Variants in ITSN2 observed in about 807,000 individuals in gnomAD.
ITSN2 encodes intersectin-2.
Under a neutral mutation model 243.7 loss-of-function variants are expected in ITSN2, and 156 were observed. The observed-to-expected ratio is 0.64, with a 90% confidence interval of 0.56 to 0.73. The LOEUF (loss-of-function observed/expected upper bound fraction) is 0.73, where lower values mean the gene tolerates loss of function less well. ITSN2 is among the 30% of genes least tolerant of loss of function. ITSN2 has a pLI of 0.00. For synonymous variants in ITSN2, 703 were observed against 699.9 expected (o/e 1.00, Z -0.07); for missense variants, 1,801 against 1,996.1 (o/e 0.90, Z 1.86).
chr2:24,352,147 G>C (rs1688078192), intron 1 of ITSN2, among the ~76,000 whole-genome samples: 1 of 152,060 alleles, frequency 6.6e-6, no homozygotes, highest in Non-Finnish European at 1.5e-5. Context: ...ACCATCCATG[G>C]TTTCAAGCAA....
chr2:24,313,034 C>T (rs1428754492), intron 4 of ITSN2, among the ~76,000 whole-genome samples: 2 of 148,894 alleles, frequency 1.3e-5, no homozygotes, highest in Non-Finnish European at 3.0e-5. Flanking sequence ...GAATTATTTT[C>T]AATAATTTGC....
At position 24,203,391 on chromosome 2, in the gene ITSN2, C is replaced by T; in HGVS notation, c.*235G>A. On this transcript the variant is annotated 3_prime_UTR_variant, in exon 40 of 40. Transcript: ENST00000355123. Reference sequence around the variant, plus strand: ...AACCTTGGCATCTAAACAAACAGAGCTGAACATGTGAACACTAGGACAAGG... The same window carrying T: ...AACCTTGGCATCTAAACAAACAGAGTTGAACATGTGAACACTAGGACAAGG... 1 of 409,872 alleles carries T rather than the reference C, an allele frequency of 2.4e-6. No homozygotes were observed. The highest frequency in any genetic ancestry group is 4.4e-6 in the Non-Finnish European group (1 of 229,522). The allele number at this position is 409,872 out of a possible 1,614,324, so 25.4% of individuals were successfully genotyped here. A position where few individuals can be genotyped will look rare whatever the true frequency, so the allele number is the denominator to read the frequency against.
chr2:24,246,240 C>T lies in ITSN2; in HGVS notation c.3466G>A (p.Val1156Ile). 1 of 1,613,118 alleles carries T rather than the reference C, an allele frequency of 6.2e-7. No homozygotes were observed. Among genetic ancestry groups the T allele is most frequent in the Non-Finnish European group, 8.5e-7 (1 of 1,179,168 alleles). Residue 1156 changes from valine to isoleucine, a missense_variant, in exon 29 of 40, where the codon GTT becomes ATT. By Grantham distance (29) the Val-to-Ile change is conservative. Around this residue, in one of 5 missense-constraint regions of ITSN2, gnomAD observed 928 missense variants for 1,065.4 expected, o/e 0.87. Transcript: ENST00000355123. The part of the protein sequence containing the change: ...LSFSKGQLIN[V>I]MNKDDPDWWQ... ...CAATCAGGATCATCTTTGTTCATAA[C>T]ATTAATGAGTTGTCCCTTGGAGAAA...
chr2:24,252,361 T>C lies in ITSN2; in HGVS notation c.3104A>G (p.Lys1035Arg). Residue 1035 changes from lysine to arginine, a missense_variant, in exon 25 of 40, where the codon AAA becomes AGA. Coordinates refer to ENST00000355123, the MANE Select transcript of ITSN2 (RefSeq NM_006277.3). The part of the protein sequence containing the change: ...RSGIFPSNYV[K>R]PKDQESFGSA... ...TCAAAATACCTCTTGATCCTTTGGT[T>C]TGACATAGTTTGATGGAAAAATTCC... 6.2e-7 allele frequency: 1 copy of C among 1,611,694 alleles called. No homozygotes were observed. The highest frequency in any genetic ancestry group is 8.5e-7 in the Non-Finnish European group (1 of 1,178,182).
chr2:24,255,958 C>T (rs911861612), intron 23 of ITSN2, among the ~76,000 whole-genome samples: 1 of 152,136 alleles, frequency 6.6e-6, no homozygotes, highest in African/African-American at 2.4e-5. Context: ...GAGGCTGAGG[C>T]AGGAGAATCG....
chr2:24,236,145 A>G (rs895323016), intron 29 of ITSN2, among the ~76,000 whole-genome samples: 7 of 152,168 alleles, frequency 4.6e-5, no homozygotes, highest in Non-Finnish European at 7.3e-5. Context: ...TATCCACACA[A>G]TGGGATGTTA....
intron 15 of ITSN2, among the ~76,000 whole-genome samples, chr2:24,291,489 C>T (rs181533073): frequency 1.0e-5 from 1 of 97,752 alleles, no homozygotes; most frequent in Non-Finnish European, 2.1e-5. Context: ...CTTCTTCTTC[C>T]TTTTTTTTTT....
intron 32 of ITSN2, 115 bp downstream of exon 32, chr2:24,215,934 T>C (rs998193112): frequency 9.9e-6 from 7 of 709,972 alleles, no homozygotes; most frequent in Non-Finnish European, 1.5e-5. Context: ...GGTGTTTCCT[T>C]TGGAAACTGA....
In ITSN2 at chr2:24,286,267, T is replaced by C; in HGVS notation, c.1808A>G (p.Glu603Gly). The C allele has an allele frequency of 6.2e-7, 1 of 1,604,690 alleles. No individual in the cohort carries two copies. The change falls in exon 16 of 40, where the codon GAA becomes GGA. Residue 603 changes from glutamate to glycine, a missense_variant. Physicochemically the swap from Glu to Gly is moderately conservative, Grantham distance 98. Transcript: ENST00000355123. The stretch of plus-strand genomic sequence containing the variant: ...TGACAGCTTAGATGCAGTTTCTTTT[T>C]CAAGAGCATCTAACTGTTCTTTAAG... ...QRLKEQLDALEKETASKLSEM... is the reference protein window; with the variant it reads ...QRLKEQLDALGKETASKLSEM...
rs1680852118 is a variant in ITSN2, at chr2:24,295,576, T to C, written c.1635+88A>G. On this transcript the variant is annotated intron_variant, in intron 14 of 39. Coordinates refer to ENST00000355123, the MANE Select transcript of ITSN2 (RefSeq NM_006277.3). ...CACCCGCCTCAGCCTCCCAAAGTGCTAGCATTACAGCCGTGAGCCACCGTG... is the reference window on the plus strand; with the variant it reads ...CACCCGCCTCAGCCTCCCAAAGTGCCAGCATTACAGCCGTGAGCCACCGTG... 2.9e-6 allele frequency: 3 copies of C among 1,051,416 alleles called. No homozygotes were observed. In the South Asian group the frequency reaches 7.4e-5, roughly 26 times the overall value. The allele number at this position is 1,051,416 out of a possible 1,614,324, so 65.1% of individuals were successfully genotyped here.
chr2:24,224,113 T>C (rs542071130), intron 29 of ITSN2, among the ~76,000 whole-genome samples: 1 of 152,220 alleles, frequency 6.6e-6, no homozygotes, highest in East Asian at 1.9e-4. Flanking sequence ...GCACTGATCC[T>C]GATATGATCC....
In ITSN2 at chr2:24,209,203, C is replaced by G; in HGVS notation, c.4492G>C (p.Val1498Leu). The G allele has an allele frequency of 6.2e-7, 1 of 1,614,096 alleles. No homozygotes were observed. The highest frequency in any genetic ancestry group is 8.5e-7 in the Non-Finnish European group (1 of 1,179,992). The change falls in exon 36 of 40, where the codon GTC becomes CTC. Residue 1498 changes from valine (V) to leucine (L), a missense_variant. By Grantham distance (32) the Val-to-Leu change is conservative. Transcript: ENST00000355123. ...MYKTPIFLNE[V>L]LVKLPTDPSS... ...GGGTCTGTGGGCAGTTTCACCAAGA[C>G]TTCATTCAGGAAAATGGGCTGAAAG...
chr2:24,241,421 C>T (rs1672718771), intron 29 of ITSN2: 1 of 152,298 alleles, frequency 6.6e-6, no homozygotes, highest in Non-Finnish European at 1.5e-5. Context: ...TTCATTAGCC[C>T]AGAGCACATA....
chr2:24,319,264 G>T (rs1684277688), intron 2 of ITSN2, among the ~76,000 whole-genome samples: 1 of 152,160 alleles, frequency 6.6e-6, no homozygotes, highest in Non-Finnish European at 1.5e-5. Context: ...CAGGTTTAAT[G>T]GCAGTAGAGC....
rs774656531 is a variant in ITSN2 at position 24,286,205 on chromosome 2, T to C, written c.1863+7A>G. 1.1e-5 allele frequency: 17 copies of C among 1,534,420 alleles called. No homozygotes were observed. Among genetic ancestry groups the C allele is most frequent in the Middle Eastern group, 2.3e-4 (1 of 4,396 alleles). Reference sequence around the variant, plus strand: ...ACCTAAAAATAAATAGTATCAAAAATAAATACCTTTAGTTGATTGTTAAAA... The same window carrying C: ...ACCTAAAAATAAATAGTATCAAAAACAAATACCTTTAGTTGATTGTTAAAA... On this transcript the variant is annotated splice_region_variant and intron_variant, in intron 16 of 39. Transcript: ENST00000355123.
chr2:24,301,197 T>C lies in ITSN2; in HGVS notation c.1038A>G (p.Ser346=), dbSNP rs761629814. 3 of 1,608,998 alleles carry C rather than the reference T, an allele frequency of 1.9e-6. No homozygotes were observed. The highest frequency in any genetic ancestry group is 1.3e-5 in the African/African-American group (1 of 74,840). The change falls in exon 11 of 40, where the codon TCA becomes TCG. Residue 346 remains serine, a synonymous_variant. Transcript: ENST00000355123. ...GCTCCTCTTCTTGCATTTTCTGATATGAAGGCAGAGTTCCATTAATGGAAT... is the reference window on the plus strand; with the variant it reads ...GCTCCTCTTCTTGCATTTTCTGATACGAAGGCAGAGTTCCATTAATGGAAT... The part of the protein sequence containing the change: ...QIDSINGTLP[S]YQKMQEEEPQ...
At chr2:24,205,562 C>T in intron 37 of ITSN2, 2 of 412,220 alleles carry the variant, frequency 4.9e-6, no homozygotes, top group Non-Finnish European at 9.2e-6. Flanking sequence ...CCACATCTAC[C>T]TCCCAGATCC....
chr2:24,303,363 T>C (rs1438921138), intron 9 of ITSN2, among the ~76,000 whole-genome samples: 4 of 152,232 alleles, frequency 2.6e-5, no homozygotes. Flanking sequence ...CTAATGGGTG[T>C]CTTTGTGTCT....
intron 11 of ITSN2, among the ~76,000 whole-genome samples, chr2:24,300,491 G>A (rs1222957152): frequency 6.6e-6 from 1 of 152,214 alleles, no homozygotes; most frequent in East Asian, 1.9e-4. Flanking sequence ...GCCAAGGTGG[G>A]CGGATCACCT....
Sources: gnomAD v4.1 joint callset for allele counts (sites outside exome capture counted in the v4.1 genomes callset) on GRCh38, gnomAD v4.1.1 for gene constraint, gnomAD v4.1.1 regional missense constraint, MANE v1.5 for transcripts, NCBI Gene and HGNC (gene_info 2026-07-23, HGNC 2026-07-21) for gene names.